The following INSL6 variants were observed in gnomAD, a reference collection of about 807,000 sequenced individuals.
INSL6 encodes the protein insulin-like peptide INSL6.
A neutral mutation model predicts 9.4 loss-of-function variants in INSL6; 16 were observed. That is an observed-to-expected ratio of 1.70 (90% CI 1.15 to 2.59). INSL6 has a LOEUF of 2.59. INSL6 is among the 30% of genes most tolerant of loss of function. The pLI is 0.00. For missense variants in INSL6, 391 were observed against 257.3 expected, an observed-to-expected ratio of 1.52 and a Z score of -3.56; for synonymous variants, 154 against 96.9, an observed-to-expected ratio of 1.59 and a Z score of -3.46.
chr9:5,009,592 G>A, the INSL6 span, among the ~76,000 whole-genome samples: 1 of 151,554 alleles, frequency 6.6e-6, no homozygotes, highest in East Asian at 1.9e-4. Flanking sequence ...TTTCTTCTGG[G>A]GTCAGTTGTT....
At chr9:5,055,452 C>A in the INSL6 span, among the ~76,000 whole-genome samples, 22 of 151,928 alleles carry the variant, frequency 1.4e-4, no homozygotes, top group Non-Finnish European at 3.1e-4. Flanking sequence ...ATTTTAGATT[C>A]CTGGCATCAT....
At chr9:5,066,221 T>C in the INSL6 span, among the ~76,000 whole-genome samples, 1 of 152,148 alleles carries the variant, frequency 6.6e-6, no homozygotes, top group Non-Finnish European at 1.5e-5. Flanking sequence ...TCAGTTGCCA[T>C]GGTTCTTCTC....
the INSL6 span, among the ~76,000 whole-genome samples, chr9:5,067,932 T>A: frequency 6.6e-6 from 1 of 152,034 alleles, no homozygotes; most frequent in Admixed American, 6.5e-5. Flanking sequence ...GGCGGGTGGA[T>A]CACGAGGTCA....
Position 5,154,017 on chromosome 9 carries a change from C to T in INSL6, c.376+10162G>A, listed in dbSNP as rs945451631. Reference sequence around the variant, plus strand: ...CAAAAAAGAGCCTGCATAGCCAAGACAATCCTATGCACAAAGAACAAAGCT... The same window carrying T: ...CAAAAAAGAGCCTGCATAGCCAAGATAATCCTATGCACAAAGAACAAAGCT... On this transcript the variant is annotated intron_variant, in intron 2 of 3. Transcript: ENST00000649639. 2.0e-5 allele frequency among the ~76,000 whole-genome samples: 3 copies of T among 152,294 alleles called. No homozygotes were observed. In the East Asian group the frequency reaches 5.8e-4, roughly 29 times the overall value.
chr9:5,135,501 C>T (rs968327374), intron 2 of INSL6, among the ~76,000 whole-genome samples: 1 of 152,166 alleles, frequency 6.6e-6, no homozygotes, highest in Non-Finnish European at 1.5e-5. Flanking sequence ...GGAAACTGAA[C>T]AACCTGCTCC....
At chr9:5,006,981 T>G in the INSL6 span, among the ~76,000 whole-genome samples, 2 of 152,232 alleles carry the variant, frequency 1.3e-5, no homozygotes, top group Non-Finnish European at 2.9e-5. Context: ...AATGTCTACT[T>G]TTTAATTCCC....
At chr9:5,075,304 T>G in the INSL6 span, among the ~76,000 whole-genome samples, 1 of 152,186 alleles carries the variant, frequency 6.6e-6, no homozygotes, top group Non-Finnish European at 1.5e-5. Flanking sequence ...TTTTCAAATG[T>G]AAACAAAACA....
chr9:5,096,334 C>T, the INSL6 span, among the ~76,000 whole-genome samples: 1 of 152,174 alleles, frequency 6.6e-6, no homozygotes, highest in Middle Eastern at 3.2e-3. Context: ...ATTTCTGTAA[C>T]AAACCCAAGG....
chr9:5,007,647 A>G, the INSL6 span, among the ~76,000 whole-genome samples: 1 of 151,786 alleles, frequency 6.6e-6, no homozygotes, highest in African/African-American at 2.4e-5. Context: ...TGCGTTTTTT[A>G]CTCATACTTT....
the INSL6 span, chr9:5,081,814 A>G: frequency 6.2e-7 from 1 of 1,613,488 alleles, no homozygotes; most frequent in Admixed American, 1.7e-5. Context: ...CCGGGATCCT[A>G]CACAGTTTGA....
At chr9:5,037,818 G>C in the INSL6 span, among the ~76,000 whole-genome samples, 1 of 152,122 alleles carries the variant, frequency 6.6e-6, no homozygotes, top group Admixed American at 6.5e-5. Context: ...TAACTAACCT[G>C]CATGTTGTGC....
chr9:5,049,892 C>T, the INSL6 span, among the ~76,000 whole-genome samples: 859 of 152,084 alleles, frequency 5.6e-3, 10 homozygotes, highest in African/African-American at 0.02. Flanking sequence ...TGTAACACAA[C>T]GGTAAGTATT....
chr9:4,994,093 A>G, the INSL6 span, among the ~76,000 whole-genome samples: 1 of 152,202 alleles, frequency 6.6e-6, no homozygotes, highest in Non-Finnish European at 1.5e-5. Flanking sequence ...TGTTTTTATT[A>G]GTCTTTCTTA....
downstream of INSL6, among the ~76,000 whole-genome samples, chr9:5,120,494 T>A (rs1184383248): frequency 2.0e-5 from 3 of 152,230 alleles, no homozygotes; most frequent in Admixed American, 1.3e-4. Context: ...TCGAAAAGGC[T>A]CTTTTGTTTT....
chr9:5,019,149 A>G, the INSL6 span, among the ~76,000 whole-genome samples: 1 of 152,104 alleles, frequency 6.6e-6, no homozygotes, highest in Non-Finnish European at 1.5e-5. Context: ...CAGGTTTTCT[A>G]TTCCTTTTGT....
the INSL6 span, among the ~76,000 whole-genome samples, chr9:5,016,818 A>G: frequency 0.35 from 52,816 of 152,074 alleles, 9,822 homozygotes; most frequent in African/African-American, 0.49. Flanking sequence ...AAGAAATGGA[A>G]GGATATGGAA....
the INSL6 span, among the ~76,000 whole-genome samples, chr9:5,084,442 C>T: frequency 6.6e-6 from 1 of 152,020 alleles, no homozygotes; most frequent in African/African-American, 2.4e-5. Flanking sequence ...CCTTTGTTAT[C>T]CTTTTCAATT....
At chr9:5,029,473 G>A in the INSL6 span, among the ~76,000 whole-genome samples, 1 of 152,070 alleles carries the variant, frequency 6.6e-6, no homozygotes, top group Non-Finnish European at 1.5e-5. Context: ...ACGTGCTGTT[G>A]GAAAAATGGT....
the INSL6 span, chr9:5,066,543 T>C: frequency 5.5e-4 from 311 of 561,158 alleles, 1 homozygote; most frequent in Middle Eastern, 5.5e-3. Context: ...CTTTGAAAGA[T>C]TATTGCTAAA....
Sources: allele counts gnomAD v4.1 joint callset (sites outside exome capture counted in the v4.1 genomes callset), GRCh38; gene constraint gnomAD v4.1.1; transcripts MANE v1.5; gene names NCBI Gene and HGNC (gene_info 2026-07-23, HGNC 2026-07-21).